Variants in TGM2 observed in about 807,000 individuals in gnomAD.
The protein encoded by TGM2 is transglutaminase 2.
In TGM2, 53 loss-of-function variants were observed where a neutral mutation model predicts 75.6. That is an observed-to-expected ratio of 0.70 (90% confidence interval 0.56 to 0.88). The LOEUF is 0.88. TGM2 is among the 40% of genes least tolerant of loss of function. The probability of loss-of-function intolerance (pLI) is 0.00; values close to 1 mark genes in which losing one functional copy is unlikely to be tolerated. For missense variants in TGM2, 842 were observed against 928.5 expected (o/e 0.91, Z 1.21); for synonymous variants, 374 against 381.1 (o/e 0.98, Z 0.22).
intron 3 of TGM2, among the ~76,000 whole-genome samples, chr20:38,152,027 C>T (rs1434225207): frequency 1.3e-5 from 2 of 152,224 alleles, no homozygotes; most frequent in Admixed American, 6.5e-5. Context: ...CTCTTGACTT[C>T]ATGCATTCCT....
intron 5 of TGM2, among the ~76,000 whole-genome samples, chr20:38,147,445 G>T (rs1370774317): frequency 6.6e-6 from 1 of 152,108 alleles, no homozygotes; most frequent in Non-Finnish European, 1.5e-5. Context: ...CCTTTGCACA[G>T]CTGTGCCCTC....
chr20:38,135,845 G>A lies in TGM2; in HGVS notation c.1615+2268C>T, dbSNP rs534768462. ...GAGGGCCCCACCGTGTGCTGGTGCTGCTGTGCCCTTTCCAGATACCTCCTG... is the reference window on the plus strand; with the variant it reads ...GAGGGCCCCACCGTGTGCTGGTGCTACTGTGCCCTTTCCAGATACCTCCTG... On this transcript the variant is annotated intron_variant, in intron 10 of 12. Transcript: ENST00000361475. 3.3e-5 allele frequency among the ~76,000 whole-genome samples: 5 copies of A among 152,282 alleles called. No homozygotes were observed. In the South Asian group the frequency reaches 1.0e-3, roughly 32 times the overall value.
chr20:38,134,445 G>A (rs1444917942), intron 10 of TGM2, among the ~76,000 whole-genome samples: 1 of 152,238 alleles, frequency 6.6e-6, no homozygotes, highest in Non-Finnish European at 1.5e-5. Context: ...CGGGGGCTTG[G>A]AGGATGTGGC....
rs1393654209 is a variant in TGM2, at chr20:38,146,835, G to A, written c.741C>T (p.Asp247=). Residue 247 remains aspartate (D), a synonymous_variant, in exon 6 of 13, where the codon GAC becomes GAT. Transcript: ENST00000361475. The part of the protein sequence containing the change: ...LLGRWDNNYG[D]GVSPMSWIGS... ...CGATCCAGGACATGGGGCTGACGCC[G>A]TCCCCGTAGTTGTTGTCCCAGCGTC... is the stretch of plus-strand genomic sequence containing the variant. 8.1e-6 allele frequency: 13 copies of A among 1,613,998 alleles called. No homozygotes were observed. The highest frequency in any genetic ancestry group is 5.0e-5 in the Admixed American group (3 of 60,002).
intron 4 of TGM2, among the ~76,000 whole-genome samples, chr20:38,149,690 A>AAAAAAAAAAAAAAAAAAAAAC (rs1457426013): frequency 1.3e-5 from 2 of 148,898 alleles, no homozygotes; most frequent in African/African-American, 5.1e-5. Context: ...AAAAAAAAAA[A>AAAAAAAAAAAAAAAAAAAAAC]AAAAAAAAAA....
At chr20:38,165,737 C>A (rs1384291680), upstream of TGM2, among the ~76,000 whole-genome samples, 2 of 151,614 alleles carry the variant, frequency 1.3e-5, no homozygotes, top group Admixed American at 1.3e-4. Flanking sequence ...TATACATACA[C>A]AGAGAGCAGA....
intron 11 of TGM2, 145 bp from the exon 12 acceptor site, chr20:38,131,374 C>T: frequency 1.7e-6 from 2 of 1,198,296 alleles, no homozygotes; most frequent in Non-Finnish European, 2.4e-6. Context: ...ACCTCTGTGC[C>T]TCAGTTTCTT....
At chr20:38,149,693 A>C (rs1397467996) in intron 4 of TGM2, among the ~76,000 whole-genome samples, 20 of 148,014 alleles carry the variant, frequency 1.4e-4, no homozygotes, top group Admixed American at 8.6e-4. Context: ...AAAAAAAAAA[A>C]AAAAAAAACA....
At chr20:38,149,797 T>A (rs1298610420) in intron 4 of TGM2, among the ~76,000 whole-genome samples, 1 of 152,008 alleles carries the variant, frequency 6.6e-6, no homozygotes, top group Non-Finnish European at 1.5e-5. Context: ...CATTTTCTGA[T>A]GTATTTTATG....
intron 6 of TGM2, chr20:38,146,328 C>G: frequency 2.8e-6 from 1 of 354,902 alleles, no homozygotes; most frequent in South Asian, 2.3e-5. Context: ...GGAGGAAGGT[C>G]TTGATGTTGT....
At chr20:38,138,481 C>T in intron 9 of TGM2, 96 bp from the exon 10 acceptor site, 1 of 1,601,750 alleles carries the variant, frequency 6.2e-7, no homozygotes, top group Non-Finnish European at 8.5e-7. Flanking sequence ...GGCCTGATGA[C>T]TCAGGGCAGC....
intron 3 of TGM2, among the ~76,000 whole-genome samples, chr20:38,153,848 G>A (rs762321817): frequency 1.1e-4 from 16 of 152,044 alleles, no homozygotes; most frequent in Non-Finnish European, 2.1e-4. Context: ...ACAGAGTCTT[G>A]CTCTGTCACC....
upstream of TGM2, chr20:38,165,440 G>C: frequency 1.7e-6 from 1 of 582,634 alleles, no homozygotes; most frequent in Non-Finnish European, 3.0e-6. Flanking sequence ...GACGGCGGCC[G>C]GACGAGGGCG....
At chr20:38,134,411 G>A (rs1477245796) in intron 10 of TGM2, among the ~76,000 whole-genome samples, 1 of 152,198 alleles carries the variant, frequency 6.6e-6, no homozygotes, top group Non-Finnish European at 1.5e-5. Context: ...TAGCTCCACA[G>A]GAAAGAAGAA....
chr20:38,148,410 A>T (rs1223088200), intron 4 of TGM2, among the ~76,000 whole-genome samples: 1 of 152,110 alleles, frequency 6.6e-6, no homozygotes, highest in East Asian at 1.9e-4. Context: ...TCCCCCTCAG[A>T]GTCACCTTGG....
At chr20:38,142,001 A>G (rs2074980387) in intron 7 of TGM2, 63 bp downstream of exon 7, 1 of 1,605,438 alleles carries the variant, frequency 6.2e-7, no homozygotes, top group African/African-American at 1.3e-5. Flanking sequence ...GAAGCCCTCC[A>G]AGGTTTCCTC....
intron 9 of TGM2, among the ~76,000 whole-genome samples, chr20:38,138,791 C>T (rs1457871500): frequency 2.0e-5 from 3 of 152,242 alleles, no homozygotes; most frequent in African/African-American, 7.2e-5. Context: ...GGGATTACTT[C>T]TACCTAAAAT....
chr20:38,131,123 C>G lies in TGM2; in HGVS notation c.1883G>C (p.Gly628Ala), dbSNP rs200284500. The change falls in exon 12 of 13, where the codon GGC becomes GCC. Residue 628 changes from glycine (G) to alanine (A), a missense_variant. Transcript: ENST00000361475. ...EGCTFTVEGAGLTEEQKTVEI... is the reference protein window; with the variant it reads ...EGCTFTVEGAALTEEQKTVEI... The stretch of plus-strand genomic sequence containing the variant: ...CACCGTCTTCTGCTCCTCAGTCAGG[C>G]CGGCCCCCTCCACAGTGAAGGTGCA... The G allele has an allele frequency of 1.1e-5, 18 of 1,613,334 alleles. No homozygotes were observed. In the Admixed American group the frequency reaches 3.0e-4, roughly 27 times the overall value.
chr20:38,158,979 G>C (rs1487685323), intron 2 of TGM2, among the ~76,000 whole-genome samples: 2 of 152,202 alleles, frequency 1.3e-5, no homozygotes, highest in African/African-American at 4.8e-5. Context: ...TCTGTACTCA[G>C]AGATCTGGGC....
Sources: allele counts gnomAD v4.1 joint callset (sites outside exome capture counted in the v4.1 genomes callset), GRCh38; gene constraint gnomAD v4.1.1; transcripts MANE v1.5; gene names NCBI Gene and HGNC (gene_info 2026-07-23, HGNC 2026-07-21).